Variants in FER observed in about 807,000 individuals in gnomAD.
FER encodes the protein tyrosine-protein kinase Fer.
FER carries 63 observed loss-of-function variants against 111.0 expected under a neutral mutation model. That is an observed-to-expected ratio of 0.57 (90% CI 0.46 to 0.70). FER has a LOEUF of 0.70. Among genes scored for constraint, FER ranks in the 30% least tolerant of loss-of-function variants. The probability of loss-of-function intolerance (pLI) is 0.00; values close to 1 mark genes in which losing one functional copy is unlikely to be tolerated. For missense variants in FER, 914 were observed against 954.0 expected (o/e 0.96, Z 0.55); for synonymous variants, 327 against 313.9 (o/e 1.04, Z -0.44).
At chr5:109,064,232 A>C (rs557938661) in intron 16 of FER, among the ~76,000 whole-genome samples, 1 of 152,290 alleles carries the variant, frequency 6.6e-6, no homozygotes, top group African/African-American at 2.4e-5. Context: ...TACATGTGAC[A>C]TAAGTTGGTA....
At chr5:108,817,228 T>C (rs538349989) in intron 3 of FER, among the ~76,000 whole-genome samples, 10 of 151,408 alleles carry the variant, frequency 6.6e-5, no homozygotes, top group Non-Finnish European at 1.3e-4. Context: ...GAGGCTCTTA[T>C]GAATGGGAAG....
intron 16 of FER, among the ~76,000 whole-genome samples, chr5:109,093,691 T>A (rs1452325199): frequency 6.6e-6 from 1 of 152,190 alleles, no homozygotes; most frequent in Non-Finnish European, 1.5e-5. Context: ...TAAATGTATT[T>A]GTGGATGTCA....
At chr5:109,002,498 T>G (rs944884352) in intron 13 of FER, among the ~76,000 whole-genome samples, 2 of 151,822 alleles carry the variant, frequency 1.3e-5, no homozygotes, top group Non-Finnish European at 2.9e-5. Context: ...ACTTAAACGT[T>G]AGACCTAAAA....
chr5:108,926,945 A>G, intron 10 of FER, among the ~76,000 whole-genome samples: 1 of 152,128 alleles, frequency 6.6e-6, no homozygotes, highest in Non-Finnish European at 1.5e-5. Context: ...CTTTTATCAG[A>G]AACTGACATT....
At chr5:108,887,594 A>G (rs1747378364) in intron 9 of FER, among the ~76,000 whole-genome samples, 2 of 151,818 alleles carry the variant, frequency 1.3e-5, no homozygotes. Flanking sequence ...TGTATTAAAT[A>G]CACTAAATAT....
intron 16 of FER, among the ~76,000 whole-genome samples, chr5:109,066,542 C>G (rs887961850): frequency 2.3e-4 from 35 of 152,122 alleles, no homozygotes; most frequent in Middle Eastern, 3.4e-3. Context: ...TTTGATGGAG[C>G]TTTATTATTT....
At chr5:109,089,898 G>T (rs1279930137) in intron 16 of FER, among the ~76,000 whole-genome samples, 1 of 152,168 alleles carries the variant, frequency 6.6e-6, no homozygotes, top group Admixed American at 6.5e-5. Context: ...GAAAACAAGG[G>T]AGAGTAGAAG....
chr5:109,043,877 A>G (rs1306499390), intron 14 of FER, among the ~76,000 whole-genome samples: 4 of 152,018 alleles, frequency 2.6e-5, no homozygotes, highest in Non-Finnish European at 5.9e-5. Flanking sequence ...AGGCTGAGAC[A>G]GGAGAATTGC....
At chr5:108,793,067 T>C (rs1755560271) in intron 2 of FER, among the ~76,000 whole-genome samples, 1 of 152,212 alleles carries the variant, frequency 6.6e-6, no homozygotes, top group Admixed American at 6.5e-5. Context: ...AATTAAATTA[T>C]TATTGACTAT....
At chr5:108,875,996 A>C (rs1278256904) in intron 8 of FER, among the ~76,000 whole-genome samples, 1 of 152,154 alleles carries the variant, frequency 6.6e-6, no homozygotes, top group African/African-American at 2.4e-5. Context: ...TTTCAAGTAC[A>C]TTTTTTAAAG....
At chr5:109,182,523 A>AG (rs1469288875) in intron 18 of FER, among the ~76,000 whole-genome samples, 2 of 152,218 alleles carry the variant, frequency 1.3e-5, no homozygotes, top group Non-Finnish European at 2.9e-5. Context: ...GATAAAAGAT[A>AG]GATTATAATA....
At chr5:108,780,109 A>G (rs1753892558) in intron 2 of FER, among the ~76,000 whole-genome samples, 1 of 152,212 alleles carries the variant, frequency 6.6e-6, no homozygotes, top group Non-Finnish European at 1.5e-5. Flanking sequence ...GCTATTTTGA[A>G]CAGATGCTTA....
At chr5:108,752,008 C>T (rs543814849) in intron 1 of FER, among the ~76,000 whole-genome samples, 2 of 152,150 alleles carry the variant, frequency 1.3e-5, no homozygotes, top group East Asian at 3.9e-4. Flanking sequence ...AGGGCTATGT[C>T]TCAGAATTTA....
chr5:109,113,659 T>C (rs1412842901), intron 17 of FER, among the ~76,000 whole-genome samples: 2 of 152,146 alleles, frequency 1.3e-5, no homozygotes, highest in South Asian at 2.1e-4. Context: ...ACTATATTCA[T>C]GTTGAGGTAT....
intron 3 of FER, among the ~76,000 whole-genome samples, chr5:108,819,271 C>T (rs1459292430): frequency 1.3e-5 from 2 of 151,600 alleles, no homozygotes; most frequent in Non-Finnish European, 2.9e-5. Flanking sequence ...GATCCTCCTG[C>T]CTCAGCCTGT....
intron 3 of FER, among the ~76,000 whole-genome samples, chr5:108,806,349 G>A (rs1757208320): frequency 1.3e-5 from 2 of 152,216 alleles, no homozygotes; most frequent in South Asian, 4.1e-4. Flanking sequence ...CTCTGCTAGG[G>A]CAATGTGGAA....
intron 5 of FER, among the ~76,000 whole-genome samples, chr5:108,863,769 TAGTA>T (rs1763760349): frequency 6.6e-6 from 1 of 152,170 alleles, no homozygotes; most frequent in South Asian, 2.1e-4. Flanking sequence ...GCATACCTCA[TAGTA>T]AGGAGAATAA....
intron 3 of FER, among the ~76,000 whole-genome samples, chr5:108,827,107 T>A (rs960041542): frequency 6.6e-6 from 1 of 152,236 alleles, no homozygotes; most frequent in African/African-American, 2.4e-5. Context: ...ACTCCATGGT[T>A]ATTGGTCTCT....
intron 2 of FER, among the ~76,000 whole-genome samples, chr5:108,794,980 CT>C (rs1291163440): frequency 1.3e-5 from 2 of 152,176 alleles, no homozygotes; most frequent in Non-Finnish European, 2.9e-5. Context: ...CTTTCTACCC[CT>C]ATCTCTTTCT....
Sources: allele counts gnomAD v4.1 joint callset (sites outside exome capture counted in the v4.1 genomes callset), GRCh38; gene constraint gnomAD v4.1.1; transcripts MANE v1.5; gene names NCBI Gene and HGNC (gene_info 2026-07-23, HGNC 2026-07-21).